RBMS3: variants seen among roughly 807,000 people sequenced by gnomAD.
RBMS3 encodes RNA binding motif single stranded interacting protein 3.
A neutral mutation model predicts 66.8 loss-of-function variants in RBMS3; 27 were observed. The ratio of observed to expected loss-of-function variants is 0.40; its 90% CI spans 0.30 to 0.56. The LOEUF (loss-of-function observed/expected upper bound fraction) is 0.56, where lower values mean the gene tolerates loss of function less well. Ranked by LOEUF, RBMS3 falls within the 20% of genes least tolerant of loss-of-function variation. The pLI is 0.40. For missense variants in RBMS3, 513 were observed against 549.5 expected (o/e 0.93, Z 0.66); for synonymous variants, 188 against 183.0 (o/e 1.03, Z -0.22).
intron 6 of RBMS3, among the ~76,000 whole-genome samples, chr3:29,786,476 G>T (rs2149418983): frequency 6.6e-6 from 1 of 152,256 alleles, no homozygotes; most frequent in Non-Finnish European, 1.5e-5. Flanking sequence ...AAAACAGCAT[G>T]GTACTGGGAT....
chr3:29,571,000 G>T (rs1307884973), intron 3 of RBMS3, among the ~76,000 whole-genome samples: 1 of 152,028 alleles, frequency 6.6e-6, no homozygotes, highest in East Asian at 1.9e-4. Flanking sequence ...GTTATTGCCT[G>T]TCTTTTGGAT....
Position 29,981,698 on chromosome 3 carries a change from G to T in RBMS3, c.1099-6445G>T, listed in dbSNP as rs538392584. Among the ~76,000 whole-genome samples the T allele has an allele frequency of 2.4e-4, 36 of 152,194 alleles. 1 individual carries two copies. In the South Asian group the frequency reaches 7.3e-3, roughly 31 times the overall value. ...CTATCGAGATAATCATGTGGTTTTT[G>T]TCATTGGTCCTGTTTATGTGATGGA... is the stretch of plus-strand genomic sequence containing the variant. On this transcript the variant is annotated intron_variant, in intron 12 of 14. Transcript: ENST00000383767.
intron 1 of RBMS3, among the ~76,000 whole-genome samples, chr3:29,287,504 T>A (rs925496945): frequency 1.3e-5 from 2 of 152,056 alleles, no homozygotes; most frequent in African/African-American, 4.8e-5. Flanking sequence ...TATTGCTTTT[T>A]AAAGATATTT....
intron 6 of RBMS3, among the ~76,000 whole-genome samples, chr3:29,823,427 G>A (rs2058123785): frequency 1.3e-5 from 2 of 152,136 alleles, no homozygotes; most frequent in South Asian, 2.1e-4. Context: ...TCATAGCTGT[G>A]TAGTATCACT....
rs144623361 is a variant in RBMS3, at chr3:29,592,721, C to T, written c.399+5516C>T. Among the ~76,000 whole-genome samples, 528 of 152,022 alleles carry T rather than the reference C, an allele frequency of 3.5e-3. 7 individuals carry two copies. Among genetic ancestry groups the T allele is most frequent in the African/African-American group, 0.012 (478 of 41,450 alleles). On this transcript the variant is annotated intron_variant, in intron 4 of 14. Transcript: ENST00000383767. ...GACACATGCACACATATCTTTATTGCGGCACTATTCATAATAGCAAAGACT... is the reference window on the plus strand; with the variant it reads ...GACACATGCACACATATCTTTATTGTGGCACTATTCATAATAGCAAAGACT...
At chr3:29,598,510 T>C (rs1343687763) in intron 4 of RBMS3, among the ~76,000 whole-genome samples, 1 of 152,070 alleles carries the variant, frequency 6.6e-6, no homozygotes, top group Admixed American at 6.6e-5. Flanking sequence ...TACTTAATTA[T>C]TTTATACAAA....
chr3:29,342,603 G>A (rs1007581929), intron 1 of RBMS3, among the ~76,000 whole-genome samples: 1 of 152,078 alleles, frequency 6.6e-6, no homozygotes, highest in African/African-American at 2.4e-5. Context: ...ATAGTATAAC[G>A]TAGCTATATG....
At position 30,008,360 on chromosome 3, in the gene RBMS3, TAATA is replaced by T. The variant is rs1037894779; in HGVS notation, c.*4502_*4505del. ...GCAGAAATTCTCAAGTGGGTTTCAC[TAATA>T]AATGTTTTTTTATATGATTTGAAAT... On this transcript the variant is annotated 3_prime_UTR_variant, in exon 15 of 15. Transcript: ENST00000383767. 1.2e-4 allele frequency: 18 copies of T among 152,258 alleles called. No individual in the cohort carries two copies. Among genetic ancestry groups the T allele is most frequent in the African/African-American group, 4.3e-4 (18 of 41,572 alleles). The allele number at this position is 152,258 out of a possible 1,614,324, so 9.4% of individuals were successfully genotyped here. A position where few individuals can be genotyped will look rare whatever the true frequency, so the allele number is the denominator to read the frequency against.
chr3:29,884,254 G>C (rs372672272), intron 8 of RBMS3, 46 bp downstream of exon 8: 1 of 1,517,434 alleles, frequency 6.6e-7, no homozygotes, highest in Non-Finnish European at 9.1e-7. Context: ...ATAGATCTTT[G>C]AGCTCTGAAT....
intron 6 of RBMS3, among the ~76,000 whole-genome samples, chr3:29,863,374 T>G (rs999211170): frequency 2.6e-5 from 4 of 152,052 alleles, no homozygotes; most frequent in African/African-American, 9.7e-5. Context: ...ACTTAAAGTA[T>G]AATAATAAAA....
intron 14 of RBMS3, among the ~76,000 whole-genome samples, chr3:29,996,500 T>C (rs990648141): frequency 2.7e-5 from 4 of 150,058 alleles, no homozygotes; most frequent in Admixed American, 1.3e-4. Context: ...TATTCCAAAA[T>C]TGACCACATA....
chr3:29,295,753 G>A (rs1022636533), intron 1 of RBMS3, among the ~76,000 whole-genome samples: 11 of 151,622 alleles, frequency 7.3e-5, no homozygotes, highest in African/African-American at 2.7e-4. Flanking sequence ...TGCAAGTGTT[G>A]CCCATAGGTG....
intron 4 of RBMS3, among the ~76,000 whole-genome samples, chr3:29,662,617 C>T (rs1211819073): frequency 1.3e-5 from 2 of 152,148 alleles, no homozygotes; most frequent in Non-Finnish European, 2.9e-5. Flanking sequence ...AATGCTCACA[C>T]CCCAAAGTGC....
intron 4 of RBMS3, among the ~76,000 whole-genome samples, chr3:29,663,521 T>G (rs2050635947): frequency 1.3e-5 from 2 of 152,186 alleles, no homozygotes; most frequent in Admixed American, 1.3e-4. Context: ...TTTGATAGCC[T>G]TCTTCCAAAA....
At chr3:29,986,630 ATAGAG>A in intron 12 of RBMS3, among the ~76,000 whole-genome samples, 1 of 152,310 alleles carries the variant, frequency 6.6e-6, no homozygotes. Context: ...AACATACTCT[ATAGAG>A]TAATCTTGTT....
At chr3:29,988,040 T>G in intron 12 of RBMS3, 103 bp from the exon 13 acceptor site, 2 of 869,866 alleles carry the variant, frequency 2.3e-6, no homozygotes, top group South Asian at 1.6e-5. Context: ...AAATACACAC[T>G]GGCTATGGGC....
At chr3:29,386,757 G>A (rs1460841981) in intron 1 of RBMS3, among the ~76,000 whole-genome samples, 5 of 152,118 alleles carry the variant, frequency 3.3e-5, no homozygotes, top group African/African-American at 7.2e-5. Flanking sequence ...CTCAGTAAAC[G>A]AGAAGTCTCT....
chr3:29,594,783 G>T (rs2149106519), intron 4 of RBMS3, among the ~76,000 whole-genome samples: 1 of 152,148 alleles, frequency 6.6e-6, no homozygotes, highest in Admixed American at 6.6e-5. Context: ...AAATTGTCAG[G>T]GTTGATCTTA....
At chr3:29,965,580 G>A (rs559933916) in intron 12 of RBMS3, among the ~76,000 whole-genome samples, 1 of 151,820 alleles carries the variant, frequency 6.6e-6, no homozygotes, top group Non-Finnish European at 1.5e-5. Flanking sequence ...GGATTGTTTG[G>A]TTTTTTCTTA....
Sources: allele counts gnomAD v4.1 joint callset (sites outside exome capture counted in the v4.1 genomes callset), GRCh38; gene constraint gnomAD v4.1.1; transcripts MANE v1.5; gene names NCBI Gene and HGNC (gene_info 2026-07-23, HGNC 2026-07-21).